PCBP3: variants seen among roughly 807,000 people sequenced by gnomAD.
PCBP3 encodes poly(rC) binding protein 3, also known as poly(rC)-binding protein 3.
In PCBP3, 25 loss-of-function variants were observed where a neutral mutation model predicts 52.7. The observed-to-expected ratio is 0.47, with a 90% confidence interval of 0.35 to 0.66. PCBP3 has a LOEUF of 0.66. Ranked by LOEUF, PCBP3 falls within the 30% of genes least tolerant of loss-of-function variation. PCBP3 has a pLI of 0.01. For missense variants in PCBP3, 391 were observed against 490.3 expected (o/e 0.80, Z 1.91); for synonymous variants, 162 against 183.0 (o/e 0.89, Z 0.93).
intron 3 of PCBP3, among the ~76,000 whole-genome samples, chr21:45,752,031 C>T (rs760554280): frequency 1.4e-4 from 22 of 152,060 alleles, no homozygotes; most frequent in Non-Finnish European, 2.5e-4. Flanking sequence ...GATATTATTT[C>T]TTTTCCTGTG....
chr21:45,825,717 GA>G (rs1482315577), intron 4 of PCBP3, among the ~76,000 whole-genome samples: 1 of 152,162 alleles, frequency 6.6e-6, no homozygotes, highest in Admixed American at 6.5e-5. Flanking sequence ...TGGAAACTGG[GA>G]GGAGGGAAGA....
chr21:45,866,714 G>A (rs1211774333), intron 5 of PCBP3, among the ~76,000 whole-genome samples: 7 of 152,110 alleles, frequency 4.6e-5, no homozygotes, highest in South Asian at 4.1e-4. Context: ...GCACACGAGC[G>A]TGAAGCCTGT....
chr21:45,736,358 T>C lies in PCBP3; in HGVS notation c.-162+929T>C, dbSNP rs2085870424. ...AATAGCAGAGTAAGAAGAGCTGCCT[T>C]GTTGATGGGACGTGGGTCGGAGCTC... On this transcript the variant is annotated intron_variant, in intron 3 of 17. Coordinates refer to ENST00000681687, the MANE Select transcript of PCBP3 (RefSeq NM_001384156.1). This position sits in a 1 kb window ranked among gnomAD's most constrained non-coding sequence, Gnocchi z 4.6. Among the ~76,000 whole-genome samples the C allele has an allele frequency of 6.6e-6, 1 of 152,194 alleles. No homozygotes were observed. Among genetic ancestry groups the C allele is most frequent in the Non-Finnish European group, 1.5e-5 (1 of 68,038 alleles).
chr21:45,736,096 G>A lies in PCBP3; in HGVS notation c.-162+667G>A, dbSNP rs1204376785. On this transcript the variant is annotated intron_variant, in intron 3 of 17. Coordinates refer to ENST00000681687, the MANE Select transcript of PCBP3 (RefSeq NM_001384156.1). The surrounding 1 kb of genome is among the most constrained non-coding windows in gnomAD (Gnocchi z 4.6). Reference sequence around the variant, plus strand: ...AAAACGTTTTCAGCAGGAACTTGGTGTATATTTGCAGTTCTGCATGGAAAA... The same window carrying A: ...AAAACGTTTTCAGCAGGAACTTGGTATATATTTGCAGTTCTGCATGGAAAA... 3.9e-5 allele frequency among the ~76,000 whole-genome samples: 6 copies of A among 152,238 alleles called. No individual in the cohort carries two copies. Among genetic ancestry groups the A allele is most frequent in the African/African-American group, 1.4e-4 (6 of 41,466 alleles).
intron 5 of PCBP3, among the ~76,000 whole-genome samples, chr21:45,892,173 G>A (rs975162009): frequency 2.0e-5 from 3 of 152,172 alleles, no homozygotes; most frequent in African/African-American, 4.8e-5. Flanking sequence ...CGAGGTGGGC[G>A]CTGTCACAGC....
rs1227225808 is a variant in PCBP3 at position 45,802,648 on chromosome 21, G to A, written c.-126+47196G>A. On this transcript the variant is annotated intron_variant, in intron 4 of 17. Transcript: ENST00000681687. The surrounding 1 kb of genome is among the most constrained non-coding windows in gnomAD (Gnocchi z 5.1). ...TGGTGGGGCTCTAAGCAGGGCAGGA[G>A]GTCAGATTGTGTGTTTGGGATGTTC... Among the ~76,000 whole-genome samples the A allele has an allele frequency of 1.3e-5, 2 of 152,162 alleles. No homozygotes were observed. The highest frequency in any genetic ancestry group is 4.8e-5 in the African/African-American group (2 of 41,454).
chr21:45,670,589 C>T (rs2081107973), intron 2 of PCBP3, among the ~76,000 whole-genome samples: 1 of 152,128 alleles, frequency 6.6e-6, no homozygotes. Flanking sequence ...TTAAGGACAA[C>T]CGGATGAGTA....
At chr21:45,790,194 G>A (rs1023015814) in intron 4 of PCBP3, among the ~76,000 whole-genome samples, 15 of 152,106 alleles carry the variant, frequency 9.9e-5, no homozygotes, top group East Asian at 1.9e-4. Context: ...AGCAGAGACT[G>A]GTGAGGAGGC....
chr21:45,822,605 C>T (rs1409742833), intron 4 of PCBP3, among the ~76,000 whole-genome samples: 2 of 141,600 alleles, frequency 1.4e-5, no homozygotes, highest in African/African-American at 6.0e-5. Context: ...GGACCCAGCA[C>T]AGGATAGGGC....
Position 45,930,687 on chromosome 21 carries a change from G to C in PCBP3, c.797-99G>C. ...GTGGCTGTGGCCAGAGAGAGCGCCG[G>C]TGCGTGCGCCAGTCATATTTTGAGC... On this transcript the variant is annotated intron_variant, in intron 14 of 17. Transcript: ENST00000681687. 4.7e-6 allele frequency: 3 copies of C among 644,442 alleles called. No individual in the cohort carries two copies. In the East Asian group the frequency reaches 8.1e-5, roughly 17 times the overall value. The allele number at this position is 644,442 out of a possible 1,614,324, so 39.9% of individuals were successfully genotyped here.
chr21:45,887,800 T>G (rs1167818966), intron 5 of PCBP3, among the ~76,000 whole-genome samples: 1 of 152,226 alleles, frequency 6.6e-6, no homozygotes, highest in African/African-American at 2.4e-5. Context: ...AGGCTGCAAC[T>G]ACTACGCACT....
At chr21:45,766,816 A>G (rs1008508692) in intron 4 of PCBP3, among the ~76,000 whole-genome samples, 1 of 152,226 alleles carries the variant, frequency 6.6e-6, no homozygotes, top group African/African-American at 2.4e-5. Context: ...TTAGGGCTTC[A>G]TAGCCAGTTA....
chr21:45,910,183 CCCCCCCACCCACTGCCCAGATACGGA>C (rs1251050233), intron 10 of PCBP3, among the ~76,000 whole-genome samples: 5 of 69,750 alleles, frequency 7.2e-5, no homozygotes, highest in Non-Finnish European at 8.6e-5. Flanking sequence ...AGATACGGAC[CCCCCCCACCCACTGCCCAGATACGGA>C]CCCCCCACCC....
chr21:45,802,077 G>A lies in PCBP3; in HGVS notation c.-126+46625G>A, dbSNP rs556920872. On this transcript the variant is annotated intron_variant, in intron 4 of 17. Coordinates refer to ENST00000681687, the MANE Select transcript of PCBP3 (RefSeq NM_001384156.1). This position sits in a 1 kb window ranked among gnomAD's most constrained non-coding sequence, Gnocchi z 5.1. ...TCGTCATGATTCAGCAGTGACTTCT[G>A]GGCTGGGTGGTTAGCGGGGCTCCCT... Among the ~76,000 whole-genome samples the A allele has an allele frequency of 8.5e-5, 13 of 152,292 alleles. No individual in the cohort carries two copies. The highest frequency in any genetic ancestry group is 3.4e-3 in the Middle Eastern group (1 of 294).
intron 5 of PCBP3, among the ~76,000 whole-genome samples, chr21:45,868,784 A>G (rs1393164370): frequency 1.3e-5 from 2 of 152,226 alleles, no homozygotes; most frequent in African/African-American, 4.8e-5. Context: ...GGTGGCCGAG[A>G]CAGGGAAGGG....
At chr21:45,731,552 G>A (rs1428333178) in intron 2 of PCBP3, among the ~76,000 whole-genome samples, 1 of 152,200 alleles carries the variant, frequency 6.6e-6, no homozygotes, top group Admixed American at 6.5e-5. Flanking sequence ...TGTTTCACCA[G>A]CACTGGGCTT....
chr21:45,925,311 A>G (rs1288709851), intron 13 of PCBP3, among the ~76,000 whole-genome samples: 2 of 152,378 alleles, frequency 1.3e-5, no homozygotes, highest in Middle Eastern at 3.4e-3. Flanking sequence ...GACCACTAAC[A>G]ACAAAGAAGT....
chr21:45,792,393 C>G (rs1399842934), intron 4 of PCBP3, among the ~76,000 whole-genome samples: 1 of 152,150 alleles, frequency 6.6e-6, no homozygotes, highest in East Asian at 1.9e-4. Context: ...TGGGGGCCCT[C>G]CCAGGAAGCC....
At chr21:45,709,195 A>C (rs2083661834) in intron 2 of PCBP3, among the ~76,000 whole-genome samples, 1 of 152,224 alleles carries the variant, frequency 6.6e-6, no homozygotes, top group Non-Finnish European at 1.5e-5. Context: ...CAGGGTCCAA[A>C]ATTGCTAGCC....
Sources: allele counts gnomAD v4.1 joint callset (sites outside exome capture counted in the v4.1 genomes callset), GRCh38; gene constraint gnomAD v4.1.1; non-coding constraint Gnocchi (gnomAD v3.1); transcripts MANE v1.5; gene names NCBI Gene and HGNC (gene_info 2026-07-23, HGNC 2026-07-21).